The following ABCA1 variants were observed in gnomAD, a reference collection of about 807,000 sequenced individuals.
ABCA1 encodes the protein ATP binding cassette subfamily A member 1.
Under a neutral mutation model 262.5 loss-of-function variants are expected in ABCA1, and 133 were observed. The ratio of observed to expected loss-of-function variants is 0.51; its 90% CI spans 0.44 to 0.59. The LOEUF (loss-of-function observed/expected upper bound fraction) is 0.59, where lower values mean the gene tolerates loss of function less well. ABCA1 is among the 20% of genes least tolerant of loss of function. The probability of loss-of-function intolerance (pLI) is 0.00; values close to 1 mark genes in which losing one functional copy is unlikely to be tolerated. For synonymous variants in ABCA1, 1,022 were observed against 1,043.5 expected (o/e 0.98, Z 0.40); for missense variants, 2,452 against 2,777.5 (o/e 0.88, Z 2.63).
Position 104,817,129 on chromosome 9 carries a change from C to T in ABCA1, c.3535+203G>A. ...CTCTGGGACACTGCCCTGCTAGCTC[C>T]CAAACCGAGCCCCAGGCACCCCAGC... is the stretch of plus-strand genomic sequence containing the variant. On this transcript the variant is annotated intron_variant, in intron 24 of 49. Coordinates refer to ENST00000374736, the MANE Select transcript of ABCA1 (RefSeq NM_005502.4). This position sits in a 1 kb window ranked among gnomAD's most constrained non-coding sequence, Gnocchi z 4.7. 1 of 861,632 alleles carries T rather than the reference C, an allele frequency of 1.2e-6. No individual in the cohort carries two copies. The highest frequency in any genetic ancestry group is 1.4e-6 in the Non-Finnish European group (1 of 717,374). 53.4% of individuals were successfully genotyped at this position (861,632 alleles called of 1,614,324 possible). A position where few individuals can be genotyped will look rare whatever the true frequency, so the allele number is the denominator to read the frequency against.
At chr9:104,881,014 T>C (rs1300995506) in intron 5 of ABCA1, among the ~76,000 whole-genome samples, 7 of 152,132 alleles carry the variant, frequency 4.6e-5, no homozygotes, top group Non-Finnish European at 1.5e-5. Flanking sequence ...TTGGGCATGG[T>C]GGAGCATGCC....
intron 2 of ABCA1, among the ~76,000 whole-genome samples, chr9:104,890,041 C>T (rs1245173761): frequency 6.6e-6 from 1 of 152,212 alleles, no homozygotes; most frequent in Non-Finnish European, 1.5e-5. Flanking sequence ...ATGGAAATCA[C>T]TAGACACAAT....
intron 5 of ABCA1, among the ~76,000 whole-genome samples, chr9:104,867,541 G>A (rs984178762): frequency 5.9e-5 from 9 of 152,228 alleles, no homozygotes; most frequent in Non-Finnish European, 1.2e-4. Flanking sequence ...GTGTATGTGT[G>A]TGCATATGTA....
At chr9:104,800,374 C>G (rs1159022531) in intron 35 of ABCA1, 136 bp downstream of exon 35, 5 of 829,274 alleles carry the variant, frequency 6.0e-6, no homozygotes, top group Non-Finnish European at 1.0e-5. Flanking sequence ...ACCGTACTGC[C>G]TCACTGGTAA....
chr9:104,800,917 AC>A (rs1830278071), intron 34 of ABCA1, among the ~76,000 whole-genome samples: 1 of 152,074 alleles, frequency 6.6e-6, no homozygotes, highest in Non-Finnish European at 1.5e-5. Context: ...AGCCAGAACC[AC>A]GCTCTGCCTG....
At chr9:104,827,267 G>T in intron 15 of ABCA1, 98 bp from the exon 16 acceptor site, 1 of 1,015,386 alleles carries the variant, frequency 9.8e-7, no homozygotes, top group Non-Finnish European at 1.5e-6. Flanking sequence ...TCCTACTCAT[G>T]TTAGAGACAA....
intron 3 of ABCA1, among the ~76,000 whole-genome samples, chr9:104,886,369 C>T (rs548093881): frequency 6.6e-6 from 1 of 152,272 alleles, no homozygotes; most frequent in East Asian, 1.9e-4. Flanking sequence ...AGAGAGGCAA[C>T]ACCCAAAGCA....
intron 9 of ABCA1, 117 bp downstream of exon 9, chr9:104,840,162 C>A (rs879877351): frequency 6.4e-7 from 1 of 1,558,620 alleles, no homozygotes; most frequent in Non-Finnish European, 8.7e-7. Context: ...GTCTGGTGGG[C>A]AAATGGGCAT....
chr9:104,801,104 A>G (rs1277687833), intron 34 of ABCA1, among the ~76,000 whole-genome samples: 2 of 106,594 alleles, frequency 1.9e-5, no homozygotes, highest in East Asian at 5.4e-4. Context: ...CCTACAGACC[A>G]GCTTGCCAGC....
intron 13 of ABCA1, among the ~76,000 whole-genome samples, chr9:104,831,350 T>C (rs767738003): frequency 6.6e-6 from 1 of 151,930 alleles, no homozygotes; most frequent in Non-Finnish European, 1.5e-5. Context: ...CCCGAGTAGC[T>C]GGGATTACAG....
chr9:104,885,008 G>A (rs1010806950), intron 3 of ABCA1, among the ~76,000 whole-genome samples: 2 of 152,190 alleles, frequency 1.3e-5, no homozygotes, highest in Non-Finnish European at 2.9e-5. Flanking sequence ...GGCCAAGGTG[G>A]GCGGATCACC....
At chr9:104,893,686 T>C (rs549899908) in intron 2 of ABCA1, among the ~76,000 whole-genome samples, 1 of 152,252 alleles carries the variant, frequency 6.6e-6, no homozygotes, top group East Asian at 1.9e-4. Context: ...CTTGATTTTA[T>C]ATGTAGCAAG....
At chr9:104,795,271 C>G (rs993713208) in intron 39 of ABCA1, among the ~76,000 whole-genome samples, 1 of 152,186 alleles carries the variant, frequency 6.6e-6, no homozygotes, top group African/African-American at 2.4e-5. Context: ...GGCAACTCAT[C>G]TGAAGCTTAC....
intron 7 of ABCA1, chr9:104,856,077 T>C (rs1431232343): frequency 1.9e-6 from 3 of 1,599,070 alleles, no homozygotes; most frequent in Non-Finnish European, 2.6e-6. Context: ...TGTCATCACA[T>C]GTCACATCCA....
intron 34 of ABCA1, among the ~76,000 whole-genome samples, 176 bp downstream of exon 34, chr9:104,801,878 A>G (rs1262732499): frequency 6.6e-6 from 1 of 152,184 alleles, no homozygotes; most frequent in Non-Finnish European, 1.5e-5. Context: ...TTTTAAACGT[A>G]CAACTAAGTA....
Position 104,903,739 on chromosome 9 carries a change from G to A in ABCA1, c.-60C>T. The A allele has an allele frequency of 1.3e-6, 2 of 1,500,348 alleles. No individual in the cohort carries two copies. The highest frequency in any genetic ancestry group is 2.4e-5 in the East Asian group (1 of 40,916). 92.9% of individuals were successfully genotyped at this position (1,500,348 alleles called of 1,614,324 possible). A position where few individuals can be genotyped will look rare whatever the true frequency, so the allele number is the denominator to read the frequency against. ...GGAGCCCTGGAAGGCAGCGGCCAGA[G>A]CTCACAGCAGGGACGCCGTGGCTGG... On this transcript the variant is annotated 5_prime_UTR_variant, in exon 2 of 50. Transcript: ENST00000374736.
intron 24 of ABCA1, among the ~76,000 whole-genome samples, chr9:104,816,747 T>G (rs1176312990): frequency 1.3e-5 from 2 of 152,132 alleles, no homozygotes; most frequent in Non-Finnish European, 2.9e-5. Flanking sequence ...TAAAGGAATC[T>G]TAAAAGATTC....
At chr9:104,902,936 G>A (rs1164288791) in intron 2 of ABCA1, among the ~76,000 whole-genome samples, 2 of 152,142 alleles carry the variant, frequency 1.3e-5, no homozygotes, top group Non-Finnish European at 2.9e-5. Flanking sequence ...CTAGAGATGG[G>A]ATCTCTAAGG....
intron 30 of ABCA1, 85 bp downstream of exon 30, chr9:104,809,381 G>C: frequency 8.1e-7 from 1 of 1,242,198 alleles, no homozygotes. Context: ...TCACAATGTG[G>C]CATGCAGTTG....
Sources: allele counts gnomAD v4.1 joint callset (sites outside exome capture counted in the v4.1 genomes callset), GRCh38; gene constraint gnomAD v4.1.1; non-coding constraint Gnocchi (gnomAD v3.1); transcripts MANE v1.5; gene names NCBI Gene and HGNC (gene_info 2026-07-23, HGNC 2026-07-21).